The following TOX variants were observed in gnomAD, a reference collection of about 807,000 sequenced individuals.
TOX encodes the protein thymocyte selection associated high mobility group box.
In TOX, 11 loss-of-function variants were observed where a neutral mutation model predicts 53.7. The ratio of observed to expected loss-of-function variants is 0.20; its 90% confidence interval spans 0.13 to 0.34. TOX has a LOEUF of 0.34. Among genes scored for constraint, TOX ranks in the 10% least tolerant of loss-of-function variants. The pLI is 1.00. For missense variants in TOX, 570 were observed against 664.6 expected, an observed-to-expected ratio of 0.86 and a Z score of 1.56; for synonymous variants, 225 against 245.3, an observed-to-expected ratio of 0.92 and a Z score of 0.77.
chr8:59,019,458 T>C (rs758197208), intron 1 of TOX, among the ~76,000 whole-genome samples: 30 of 152,190 alleles, frequency 2.0e-4, no homozygotes, highest in Non-Finnish European at 4.0e-4. Flanking sequence ...ACAGAAAGAA[T>C]AGTGTAATGG....
At chr8:58,973,222 C>T (rs912581776) in intron 1 of TOX, among the ~76,000 whole-genome samples, 2 of 152,106 alleles carry the variant, frequency 1.3e-5, no homozygotes, top group African/African-American at 4.8e-5. Context: ...GGAAATATGC[C>T]ACGTCTAATA....
intron 3 of TOX, among the ~76,000 whole-genome samples, chr8:58,904,243 A>G (rs551787876): frequency 1.8e-4 from 27 of 152,226 alleles, no homozygotes; most frequent in South Asian, 6.2e-4. Context: ...ACTTTTTTGT[A>G]TATTTGTTTA....
chr8:58,962,710 G>A (rs1307917260), intron 1 of TOX, among the ~76,000 whole-genome samples: 7 of 152,184 alleles, frequency 4.6e-5, no homozygotes, highest in Non-Finnish European at 2.9e-5. Context: ...GGAGGCTAAG[G>A]TGGGAGGACT....
chr8:58,978,774 T>A (rs776089571), intron 1 of TOX, among the ~76,000 whole-genome samples: 1 of 152,212 alleles, frequency 6.6e-6, no homozygotes, highest in African/African-American at 2.4e-5. Flanking sequence ...TTAATTAGGG[T>A]TCCCTGTTGG....
chr8:58,896,504 T>C (rs572458757), intron 3 of TOX, among the ~76,000 whole-genome samples: 17 of 152,170 alleles, frequency 1.1e-4, no homozygotes, highest in South Asian at 8.3e-4. Context: ...GGTGAAGCCC[T>C]GTCTCTACTA....
chr8:59,000,775 A>G (rs947179099), intron 1 of TOX, among the ~76,000 whole-genome samples: 2 of 152,194 alleles, frequency 1.3e-5, no homozygotes, highest in Non-Finnish European at 2.9e-5. Flanking sequence ...TCAAAAATAT[A>G]CACGCATACA....
At chr8:59,022,975 C>G (rs527680885) in intron 1 of TOX, among the ~76,000 whole-genome samples, 1 of 152,314 alleles carries the variant, frequency 6.6e-6, no homozygotes, top group Admixed American at 6.5e-5. Flanking sequence ...ACACACCATT[C>G]TCAAATGGCT....
At chr8:58,936,460 CAGA>C (rs1433603325) in intron 3 of TOX, among the ~76,000 whole-genome samples, 1 of 152,086 alleles carries the variant, frequency 6.6e-6, no homozygotes, top group African/African-American at 2.4e-5. Context: ...TTTCACTGTC[CAGA>C]AGGACAGTAG....
intron 1 of TOX, among the ~76,000 whole-genome samples, chr8:59,021,150 T>C (rs1814121034): frequency 2.7e-5 from 4 of 149,170 alleles, no homozygotes; most frequent in African/African-American, 9.8e-5. Flanking sequence ...TTAATTTCTC[T>C]AAACCAATGT....
At chr8:58,821,974 A>G (rs1206975848) in intron 6 of TOX, among the ~76,000 whole-genome samples, 1 of 152,118 alleles carries the variant, frequency 6.6e-6, no homozygotes, top group Non-Finnish European at 1.5e-5. Flanking sequence ...AGTATGATAG[A>G]GGTGGCACTT....
intron 1 of TOX, among the ~76,000 whole-genome samples, chr8:59,027,541 T>A (rs942601694): frequency 1.3e-5 from 2 of 152,154 alleles, no homozygotes; most frequent in African/African-American, 4.8e-5. Context: ...CAGCACCAAC[T>A]GGTTTGAGTC....
intron 4 of TOX, among the ~76,000 whole-genome samples, chr8:58,841,800 T>G (rs1435438648): frequency 6.6e-6 from 1 of 152,152 alleles, no homozygotes; most frequent in Non-Finnish European, 1.5e-5. Context: ...CAATTATACC[T>G]CAATAAAGCT....
chr8:59,011,299 A>G (rs1006058563), intron 1 of TOX, among the ~76,000 whole-genome samples: 1 of 152,180 alleles, frequency 6.6e-6, no homozygotes, highest in Non-Finnish European at 1.5e-5. Flanking sequence ...TTTCTACTCT[A>G]TCTCCTAAGC....
At chr8:59,069,544 C>A (rs889423632) in intron 1 of TOX, among the ~76,000 whole-genome samples, 1 of 152,106 alleles carries the variant, frequency 6.6e-6, no homozygotes, top group East Asian at 1.9e-4. Context: ...TATTTGGGAT[C>A]GATCACCCTA....
At chr8:59,073,420 T>C (rs1476909631) in intron 1 of TOX, among the ~76,000 whole-genome samples, 1 of 152,128 alleles carries the variant, frequency 6.6e-6, no homozygotes. Flanking sequence ...ATCCAAAACT[T>C]TATCAAGCAA....
chr8:58,821,198 T>C (rs1362844168), intron 6 of TOX, among the ~76,000 whole-genome samples: 2 of 152,176 alleles, frequency 1.3e-5, no homozygotes, highest in African/African-American at 2.4e-5. Flanking sequence ...TCCTTTTTAA[T>C]GTCACTTTTA....
intron 1 of TOX, among the ~76,000 whole-genome samples, chr8:59,090,254 G>A (rs13259370): frequency 0.31 from 46,762 of 151,978 alleles, 11,795 homozygotes; most frequent in African/African-American, 0.69. Context: ...ACATATTTTT[G>A]GCACACAGTG....
chr8:58,909,407 C>T (rs976336971), intron 3 of TOX, among the ~76,000 whole-genome samples: 1 of 152,066 alleles, frequency 6.6e-6, no homozygotes, highest in Non-Finnish European at 1.5e-5. Context: ...AGAATCTCAG[C>T]CCCCATCCTG....
chr8:58,983,341 G>A (rs184812759), intron 1 of TOX, among the ~76,000 whole-genome samples: 2 of 152,300 alleles, frequency 1.3e-5, no homozygotes, highest in East Asian at 3.9e-4. Context: ...GTCAGCAAAG[G>A]GGCCTGAGAA....
Sources: allele counts gnomAD v4.1 joint callset (sites outside exome capture counted in the v4.1 genomes callset), GRCh38; gene constraint gnomAD v4.1.1; transcripts MANE v1.5; gene names NCBI Gene and HGNC (gene_info 2026-07-23, HGNC 2026-07-21).